Variants in EML6 observed in about 807,000 individuals in gnomAD.
EML6 encodes EMAP like 6, also known as echinoderm microtubule-associated protein-like 6.
Under a neutral mutation model 240.1 loss-of-function variants are expected in EML6, and 154 were observed. That is an observed-to-expected ratio of 0.64 (90% CI 0.56 to 0.73). The LOEUF (loss-of-function observed/expected upper bound fraction) is 0.73. EML6 is among the 30% of genes least tolerant of loss of function. The probability of loss-of-function intolerance (pLI) is 0.00; values close to 1 mark genes in which losing one functional copy is unlikely to be tolerated. For missense variants in EML6, 2,964 were observed against 2,474.6 expected (o/e 1.20, Z -4.20); for synonymous variants, 1,148 against 899.0 (o/e 1.28, Z -4.95).
rs1676045672 is a variant in EML6, at chr2:54,952,749, A to C, written c.4312+57A>C. 33 of 1,200,702 alleles carry C rather than the reference A, an allele frequency of 2.7e-5. 1 individual carries two copies. In the South Asian group the frequency reaches 3.8e-4, roughly 14 times the overall value. The allele number at this position is 1,200,702 out of a possible 1,614,324, so 74.4% of individuals were successfully genotyped here. On this transcript the variant is annotated intron_variant, in intron 31 of 41. Transcript: ENST00000356458. ...CAGCTTGCAGGGACGCTGACCTGTC[A>C]GCAATTATTGGGAGAGGGAGTGGGT... is the stretch of plus-strand genomic sequence containing the variant.
intron 11 of EML6, among the ~76,000 whole-genome samples, chr2:54,854,926 T>G (rs1439645476): frequency 2.6e-5 from 4 of 152,234 alleles, no homozygotes; most frequent in African/African-American, 9.6e-5. Context: ...ACCTGGGAAT[T>G]CAGAATTGAG....
At chr2:54,855,778 C>T (rs2103793553) in intron 11 of EML6, among the ~76,000 whole-genome samples, 1 of 152,224 alleles carries the variant, frequency 6.6e-6, no homozygotes, top group South Asian at 2.1e-4. Flanking sequence ...GCCTCTGAGA[C>T]ATTCAGGCTT....
intron 2 of EML6, among the ~76,000 whole-genome samples, chr2:54,772,085 G>T (rs1333358306): frequency 6.6e-6 from 1 of 152,194 alleles, no homozygotes; most frequent in Non-Finnish European, 1.5e-5. Context: ...GGAACTGAGA[G>T]CAGTTTTCAT....
chr2:54,790,871 G>A (rs1339182075), intron 2 of EML6, among the ~76,000 whole-genome samples: 7 of 151,776 alleles, frequency 4.6e-5, no homozygotes, highest in Non-Finnish European at 7.4e-5. Context: ...GACTACAGGC[G>A]CCTGCCACCG....
At chr2:54,823,487 G>C (rs1668426046) in intron 5 of EML6, among the ~76,000 whole-genome samples, 1 of 152,096 alleles carries the variant, frequency 6.6e-6, no homozygotes, top group East Asian at 1.9e-4. Context: ...TATTTTGAAA[G>C]ATGGCGGCCA....
At chr2:54,866,038 G>A (rs1670952954) in intron 13 of EML6, among the ~76,000 whole-genome samples, 1 of 152,160 alleles carries the variant, frequency 6.6e-6, no homozygotes, top group African/African-American at 2.4e-5. Context: ...AGACAAAACA[G>A]TAGTGAGAGT....
intron 17 of EML6, among the ~76,000 whole-genome samples, chr2:54,888,903 G>T (rs1672303933): frequency 6.6e-6 from 1 of 152,130 alleles, no homozygotes; most frequent in African/African-American, 2.4e-5. Flanking sequence ...TGGTCGTATG[G>T]TAAGAATATG....
At chr2:54,723,655 G>A (rs1682780079), upstream of EML6, 1 of 152,390 alleles carries the variant, frequency 6.6e-6, no homozygotes, top group South Asian at 2.1e-4. Context: ...GTCTCCCGCG[G>A]CGCCCCAGTG....
intron 7 of EML6, among the ~76,000 whole-genome samples, chr2:54,841,298 C>T (rs761674611): frequency 7.2e-5 from 11 of 152,250 alleles, no homozygotes; most frequent in Non-Finnish European, 1.6e-4. Context: ...CAGGGTGTCT[C>T]TACTCCTCCT....
intron 5 of EML6, among the ~76,000 whole-genome samples, chr2:54,823,850 T>TGCTCTCTCTCTCTCTCTCTCTC (rs1553387708): frequency 1.4e-5 from 1 of 72,262 alleles, no homozygotes. Flanking sequence ...CATTCATTCA[T>TGCTCTCTCTCTCTCTCTCTCTC]TCTCTCTCTC....
At chr2:54,747,413 T>G (rs1683961341) in intron 2 of EML6, 1 of 152,198 alleles carries the variant, frequency 6.6e-6, no homozygotes, top group Non-Finnish European at 1.5e-5. Context: ...TCTGCTAGAC[T>G]GATGTTCAGG....
At position 54,853,739 on chromosome 2, in the gene EML6, A is replaced by C; in HGVS notation, c.1541A>C (p.Lys514Thr). 6.4e-7 allele frequency: 1 copy of C among 1,551,626 alleles called. No homozygotes were observed. The highest frequency in any genetic ancestry group is 8.7e-7 in the Non-Finnish European group (1 of 1,146,934). ...KGPEVSGIWP[K>T]YTEVTDINSV... is the part of the protein sequence containing the mutation. ...CCTGAAGTGAGTGGAATTTGGCCCAAATACACTGAGGTTACTGACATCAAC... is the reference window on the plus strand; with the variant it reads ...CCTGAAGTGAGTGGAATTTGGCCCACATACACTGAGGTTACTGACATCAAC... Residue 514 changes from lysine (K) to threonine (T), a missense_variant, in exon 11 of 42, where the codon AAA becomes ACA. Coordinates refer to ENST00000356458, the MANE Select transcript of EML6 (RefSeq NM_001039753.4).
At position 54,968,686 on chromosome 2, in the gene EML6, T is replaced by C; in HGVS notation, c.5770T>C (p.Phe1924Leu). Reference sequence around the variant, plus strand: ...CTCACAGGCCAAACATAAGCGATACTTCGGTCACTCGGCTCACGTGACGAA... The same window carrying C: ...CTCACAGGCCAAACATAAGCGATACCTCGGTCACTCGGCTCACGTGACGAA... ...TEKFAKHKRY[F>L]GHSAHVTNIR... Residue 1924 changes from phenylalanine to leucine, a missense_variant, in exon 41 of 42, where the codon TTC (phenylalanine) becomes CTC (leucine). Transcript: ENST00000356458. The C allele has an allele frequency of 1.3e-6, 2 of 1,550,924 alleles. No individual in the cohort carries two copies. The highest frequency in any genetic ancestry group is 1.2e-5 in the South Asian group (1 of 84,040).
chr2:54,870,052 T>G (rs1036388425), intron 15 of EML6, among the ~76,000 whole-genome samples: 2 of 152,374 alleles, frequency 1.3e-5, no homozygotes, highest in African/African-American at 4.8e-5. Context: ...GATTATACTT[T>G]TGTTCAGTTT....
chr2:54,966,089 T>C (rs532813909), intron 38 of EML6, among the ~76,000 whole-genome samples: 12 of 152,374 alleles, frequency 7.9e-5, no homozygotes, highest in African/African-American at 2.9e-4. Context: ...CAGTCCCTGC[T>C]TCCTGGAGCT....
rs1304417012 is a variant in EML6, at chr2:54,724,997, C to A, written c.-65C>A. The stretch of plus-strand genomic sequence containing the variant: ...CTGAGCCCCTGCAGGTCCGCCGCAG[C>A]CCCAGCCTCGGCGAGGACGGCCCCG... On this transcript the variant is annotated 5_prime_UTR_variant, in exon 2 of 42. Coordinates refer to ENST00000356458, the MANE Select transcript of EML6 (RefSeq NM_001039753.4). The surrounding 1 kb of genome is among the most constrained non-coding windows in gnomAD (Gnocchi z 5.2). 2 of 1,351,248 alleles carry A rather than the reference C, an allele frequency of 1.5e-6. No homozygotes were observed. Among genetic ancestry groups the A allele is most frequent in the Admixed American group, 7.8e-5 (2 of 25,562 alleles). The allele number at this position is 1,351,248 out of a possible 1,614,324, so 83.7% of individuals were successfully genotyped here.
At position 54,850,119 on chromosome 2, in the gene EML6, A is replaced by G; in HGVS notation, c.1345A>G (p.Lys449Glu). ...QRYKKIGECS[K>E]SLSFITHIDW... ...GTATAAGAAAATTGGAGAATGCAGC[A>G]AGTCCCTTAGTTTCATCACGCATAT... Residue 449 changes from lysine to glutamate, a missense_variant, in exon 10 of 42, where the codon AAG becomes GAG. Physicochemically the swap from Lys to Glu is moderately conservative, Grantham distance 56. Transcript: ENST00000356458. The G allele has an allele frequency of 6.4e-7, 1 of 1,551,996 alleles. No homozygotes were observed. The highest frequency in any genetic ancestry group is 1.2e-5 in the South Asian group (1 of 84,062).
chr2:54,886,589 TCTC>T (rs2104042282), intron 17 of EML6, among the ~76,000 whole-genome samples: 1 of 152,310 alleles, frequency 6.6e-6, no homozygotes, highest in Non-Finnish European at 1.5e-5. Context: ...GCCTCCAACT[TCTC>T]CACATTCTGG....
chr2:54,968,805 C>A, intron 41 of EML6, 37 bp downstream of exon 41: 1 of 1,169,414 alleles, frequency 8.6e-7, no homozygotes. Flanking sequence ...ACTCCACAGG[C>A]CTGGCCAGCT....
Sources: allele counts gnomAD v4.1 joint callset (sites outside exome capture counted in the v4.1 genomes callset), GRCh38; gene constraint gnomAD v4.1.1; non-coding constraint Gnocchi (gnomAD v3.1); transcripts MANE v1.5; gene names NCBI Gene and HGNC (gene_info 2026-07-23, HGNC 2026-07-21).